The following ANKS1B variants were observed in gnomAD, a reference collection of about 807,000 sequenced individuals.
The protein encoded by ANKS1B is ankyrin repeat and sterile alpha motif domain containing 1B.
A neutral mutation model predicts 148.3 loss-of-function variants in ANKS1B; 36 were observed. The ratio of observed to expected loss-of-function variants is 0.24; its 90% CI spans 0.19 to 0.32. The LOEUF (loss-of-function observed/expected upper bound fraction) is 0.32, where lower values mean the gene tolerates loss of function less well. Ranked by LOEUF, ANKS1B falls within the 10% of genes least tolerant of loss-of-function variation. The pLI is 1.00. For missense variants in ANKS1B, 1,157 were observed against 1,542.6 expected (o/e 0.75, Z 4.19); for synonymous variants, 542 against 560.8 (o/e 0.97, Z 0.47).
intron 12 of ANKS1B, among the ~76,000 whole-genome samples, chr12:99,260,308 C>G (rs966269633): frequency 2.6e-5 from 4 of 152,178 alleles, no homozygotes; most frequent in Admixed American, 2.6e-4. Flanking sequence ...TGAATAACCA[C>G]TCCGATTCAA....
chr12:99,331,724 G>T (rs1410203661), intron 12 of ANKS1B, among the ~76,000 whole-genome samples: 11 of 152,008 alleles, frequency 7.2e-5, no homozygotes, highest in African/African-American at 2.4e-4. Flanking sequence ...AGCTGAAGAG[G>T]CTTCTGAAAA....
chr12:99,764,475 T>C (rs546460962), intron 8 of ANKS1B, among the ~76,000 whole-genome samples: 1 of 152,252 alleles, frequency 6.6e-6, no homozygotes, highest in Admixed American at 6.5e-5. Flanking sequence ...CAGGCTGGAG[T>C]GCAGTGGAGC....
chr12:98,824,422 T>C (rs1237020924), intron 19 of ANKS1B, among the ~76,000 whole-genome samples: 1 of 152,240 alleles, frequency 6.6e-6, no homozygotes, highest in East Asian at 1.9e-4. Context: ...TTAATTGGCC[T>C]ACAATGAGCA....
rs995075237 is a variant in ANKS1B at position 99,080,335 on chromosome 12, A to T, written c.2625+4590T>A. ...TGATCTTCTGCTTACTGGTGACCTT[A>T]GCACTGGTTGTAGGAGGTCGCAGCA... On this transcript the variant is annotated intron_variant, in intron 16 of 26. Transcript: ENST00000683438. 2.6e-5 allele frequency among the ~76,000 whole-genome samples: 4 copies of T among 152,180 alleles called. 1 individual carries two copies. Among genetic ancestry groups the T allele is most frequent in the Admixed American group, 2.0e-4 (3 of 15,256 alleles).
intron 10 of ANKS1B, among the ~76,000 whole-genome samples, chr12:99,468,142 A>G (rs910457633): frequency 1.4e-4 from 22 of 152,138 alleles, no homozygotes; most frequent in African/African-American, 5.1e-4. Context: ...CTGCATATCT[A>G]CAACTATCTG....
In ANKS1B at chr12:99,919,562, T is replaced by C. The variant is rs543463236; in HGVS notation, c.134+64542A>G. Among the ~76,000 whole-genome samples the C allele has an allele frequency of 2.6e-5, 4 of 152,208 alleles. No homozygotes were observed. The South Asian group carries it at 8.3e-4, about 32-fold the overall frequency. Reference sequence around the variant, plus strand: ...AGAAGAGGAAATAACAATAATAGATTAGAAAGCAGGTAGACCCAGCCATAG... The same window carrying C: ...AGAAGAGGAAATAACAATAATAGATCAGAAAGCAGGTAGACCCAGCCATAG... On this transcript the variant is annotated intron_variant, in intron 1 of 26. Coordinates refer to ENST00000683438, the MANE Select transcript of ANKS1B (RefSeq NM_001352186.2).
intron 9 of ANKS1B, among the ~76,000 whole-genome samples, chr12:99,641,857 C>A (rs1009203250): frequency 2.6e-5 from 4 of 151,890 alleles, no homozygotes; most frequent in African/African-American, 7.3e-5. Flanking sequence ...GCTATTCCGT[C>A]TATTTTTTTA....
chr12:98,773,936 G>A (rs945729332), intron 24 of ANKS1B, among the ~76,000 whole-genome samples: 3 of 152,136 alleles, frequency 2.0e-5, no homozygotes, highest in African/African-American at 7.2e-5. Context: ...CATCATGCTT[G>A]CACGTTGTTC....
chr12:99,142,261 C>T (rs183401193), intron 15 of ANKS1B, among the ~76,000 whole-genome samples: 6 of 151,694 alleles, frequency 4.0e-5, no homozygotes, highest in South Asian at 4.2e-4. Flanking sequence ...AGAGAAAGAT[C>T]GGGTAAACAG....
intron 12 of ANKS1B, among the ~76,000 whole-genome samples, chr12:99,357,050 G>A (rs989773784): frequency 6.6e-6 from 1 of 151,224 alleles, no homozygotes; most frequent in Non-Finnish European, 1.5e-5. Context: ...ATGCCTCCTC[G>A]TCAACTGAGA....
chr12:99,644,654 C>T (rs1350781986), intron 9 of ANKS1B, among the ~76,000 whole-genome samples: 1 of 152,184 alleles, frequency 6.6e-6, no homozygotes, highest in Non-Finnish European at 1.5e-5. Context: ...ACTCCACTTC[C>T]AGGTACCAAA....
intron 12 of ANKS1B, among the ~76,000 whole-genome samples, chr12:99,311,275 C>T (rs1024728135): frequency 1.3e-4 from 19 of 151,610 alleles, no homozygotes; most frequent in African/African-American, 4.1e-4. Context: ...TTGCCAGAAA[C>T]CCAGCAAGTT....
At chr12:99,653,180 C>G (rs959271052) in intron 9 of ANKS1B, among the ~76,000 whole-genome samples, 1 of 151,822 alleles carries the variant, frequency 6.6e-6, no homozygotes, top group Non-Finnish European at 1.5e-5. Flanking sequence ...ACTACCAAGC[C>G]TAAAAAATAA....
chr12:99,397,687 C>A (rs1426776125), intron 12 of ANKS1B, among the ~76,000 whole-genome samples: 9 of 151,938 alleles, frequency 5.9e-5, no homozygotes, highest in Non-Finnish European at 1.3e-4. Flanking sequence ...ACAGATAATA[C>A]CGAATTTATA....
intron 17 of ANKS1B, among the ~76,000 whole-genome samples, chr12:98,928,825 A>G (rs2099811195): frequency 6.6e-6 from 1 of 152,014 alleles, no homozygotes; most frequent in Non-Finnish European, 1.5e-5. Context: ...TATAGAACCC[A>G]TACGGCTAAA....
At chr12:99,097,058 A>T (rs1599891985) in intron 15 of ANKS1B, 1 of 152,226 alleles carries the variant, frequency 6.6e-6, no homozygotes, top group African/African-American at 2.4e-5. Context: ...GCATCTTTGC[A>T]TCTCCCCTAA....
chr12:99,617,199 G>A (rs943137573), intron 9 of ANKS1B, among the ~76,000 whole-genome samples: 1 of 152,156 alleles, frequency 6.6e-6, no homozygotes, highest in African/African-American at 2.4e-5. Context: ...TGGTGGGAGT[G>A]TAAATTAGTT....
At chr12:98,792,855 T>C (rs1008706886) in intron 22 of ANKS1B, among the ~76,000 whole-genome samples, 1 of 152,206 alleles carries the variant, frequency 6.6e-6, no homozygotes, top group Non-Finnish European at 1.5e-5. Flanking sequence ...ATTCATCTGT[T>C]GATGGACACA....
chr12:99,516,266 T>G (rs550197839), intron 9 of ANKS1B, among the ~76,000 whole-genome samples: 1 of 152,160 alleles, frequency 6.6e-6, no homozygotes, highest in East Asian at 1.9e-4. Flanking sequence ...ACTTTTCTTA[T>G]GGCAGTTTCA....
Sources: gnomAD v4.1 joint callset for allele counts (sites outside exome capture counted in the v4.1 genomes callset) on GRCh38, gnomAD v4.1.1 for gene constraint, MANE v1.5 for transcripts, NCBI Gene and HGNC (gene_info 2026-07-23, HGNC 2026-07-21) for gene names.